HMGCL: variants seen among roughly 807,000 people sequenced by gnomAD.
The protein encoded by HMGCL is 3-hydroxy-3-methylglutaryl-CoA lyase, also known as hydroxymethylglutaryl-CoA lyase, mitochondrial.
Under a neutral mutation model 37.3 loss-of-function variants are expected in HMGCL, and 26 were observed. The observed-to-expected ratio is 0.70, with a 90% CI of 0.51 to 0.97. The LOEUF is 0.97. Ranked by LOEUF, HMGCL falls within the 50% of genes least tolerant of loss-of-function variation. The probability of loss-of-function intolerance (pLI) is 0.00; values close to 1 mark genes in which losing one functional copy is unlikely to be tolerated. For missense variants in HMGCL, 379 were observed against 398.1 expected, an observed-to-expected ratio of 0.95 and a Z score of 0.41; for synonymous variants, 151 against 148.0, an observed-to-expected ratio of 1.02 and a Z score of -0.15.
Position 23,825,337 on chromosome 1 carries a change from G to A in HMGCL, c.60+19C>T, listed in dbSNP as rs1638798267. ...AGAGTGCCTGCAGGGCCGCCGCCTC[G>A]GCGGCTCGGGGCACTTACAGCCCGG... is the stretch of plus-strand genomic sequence containing the variant. On this transcript the variant is annotated intron_variant, in intron 1 of 8. Coordinates refer to ENST00000374490, the MANE Select transcript of HMGCL (RefSeq NM_000191.3). 6.4e-7 allele frequency: 1 copy of A among 1,550,398 alleles called. No individual in the cohort carries two copies. The highest frequency in any genetic ancestry group is 8.7e-7 in the Non-Finnish European group (1 of 1,146,396).
chr1:23,822,772 C>T (rs764622772), intron 1 of HMGCL, among the ~76,000 whole-genome samples: 1 of 152,208 alleles, frequency 6.6e-6, no homozygotes, highest in African/African-American at 2.4e-5. Flanking sequence ...CTCACTGGAA[C>T]ATAAGTTTCA....
In HMGCL at chr1:23,816,700, G is replaced by A; in HGVS notation, c.323C>T (p.Pro108Leu). 2 of 1,612,298 alleles carry A rather than the reference G, an allele frequency of 1.2e-6. No individual in the cohort carries two copies. Among genetic ancestry groups the A allele is most frequent in the Non-Finnish European group, 1.7e-6 (2 of 1,178,348 alleles). Residue 108 changes from proline (P) to leucine (L), a missense_variant, in exon 4 of 9, where the codon CCA becomes CTA. Physicochemically the swap from Pro to Leu is moderately conservative, Grantham distance 98. Transcript: ENST00000374490. ...CGCTGCCTCGAAGCCTTTCAAATTT[G>A]GGGTCAGGACTGGGTAGTTGATGCC... Reference protein sequence around the residue: ...FPGINYPVLTPNLKGFEAAVA... With the variant: ...FPGINYPVLTLNLKGFEAAVA...
At chr1:23,813,136 C>T (rs565034785) in intron 5 of HMGCL, among the ~76,000 whole-genome samples, 4 of 150,130 alleles carry the variant, frequency 2.7e-5, no homozygotes, top group African/African-American at 7.3e-5. Flanking sequence ...GTGATCTGCC[C>T]GCCTCGGCCT....
intron 7 of HMGCL, among the ~76,000 whole-genome samples, chr1:23,804,974 C>T (rs1197572731): frequency 2.6e-5 from 4 of 151,166 alleles, no homozygotes; most frequent in Non-Finnish European, 5.9e-5. Context: ...GGTCAGTCAC[C>T]TCCCACTATC....
intron 4 of HMGCL, 29 bp from the exon 5 acceptor site, chr1:23,814,367 G>T: frequency 1.2e-6 from 2 of 1,611,058 alleles, no homozygotes; most frequent in Non-Finnish European, 1.7e-6. Flanking sequence ...ACTCCTTTCA[G>T]CACTTTTCTC....
In HMGCL at chr1:23,806,117, A is replaced by G. The variant is rs1638405283; in HGVS notation, c.751-1592T>C. Among the ~76,000 whole-genome samples, 1 of 151,986 alleles carries G rather than the reference A, an allele frequency of 6.6e-6. No individual in the cohort carries two copies. Among genetic ancestry groups the G allele is most frequent in the Non-Finnish European group, 1.5e-5 (1 of 68,000 alleles). On this transcript the variant is annotated intron_variant, in intron 7 of 8. Coordinates refer to ENST00000374490, the MANE Select transcript of HMGCL (RefSeq NM_000191.3). This position sits in a 1 kb window ranked among gnomAD's most constrained non-coding sequence, Gnocchi z 4.0. ...CAGGCTCACGCCACCACGCCCAGCT[A>G]ATTTTTATATTTTTAGTTGAGACAG...
In HMGCL at chr1:23,815,064, G is replaced by A. The variant is rs146283916; in HGVS notation, c.349-726C>T. 6.7e-3 allele frequency among the ~76,000 whole-genome samples: 1,020 copies of A among 152,076 alleles called. 13 individuals carry two copies. Among genetic ancestry groups the A allele is most frequent in the African/African-American group, 0.023 (967 of 41,504 alleles). ...CTACTAAAAATACAAAAAATTAGCC[G>A]GTCGTGGTGGCACACGCCTGTAGTC... On this transcript the variant is annotated intron_variant, in intron 4 of 8. Coordinates refer to ENST00000374490, the MANE Select transcript of HMGCL (RefSeq NM_000191.3).
chr1:23,818,210 G>T (rs1172482314), intron 2 of HMGCL, among the ~76,000 whole-genome samples: 1 of 152,178 alleles, frequency 6.6e-6, no homozygotes, highest in Non-Finnish European at 1.5e-5. Context: ...TGTAATCCCA[G>T]CACTTTGGGA....
intron 1 of HMGCL, among the ~76,000 whole-genome samples, chr1:23,821,494 A>C (rs928562403): frequency 5.3e-5 from 8 of 152,114 alleles, no homozygotes; most frequent in Admixed American, 5.2e-4. Flanking sequence ...CCCCGTCTCT[A>C]CTAAAAATAG....
intron 5 of HMGCL, chr1:23,813,799 A>G (rs1638564989): frequency 7.0e-6 from 2 of 284,528 alleles, no homozygotes; most frequent in Non-Finnish European, 1.4e-5. Flanking sequence ...AGAGCTAGTG[A>G]TAAAGCCAGG....
chr1:23,807,602 C>G (rs1638435738), intron 7 of HMGCL, among the ~76,000 whole-genome samples: 1 of 152,190 alleles, frequency 6.6e-6, no homozygotes, highest in Non-Finnish European at 1.5e-5. Context: ...TTAGCTCAAT[C>G]TGTGGGGAAC....
chr1:23,810,137 C>T (rs1638492252), intron 6 of HMGCL: 1 of 162,294 alleles, frequency 6.2e-6, no homozygotes, highest in African/African-American at 2.4e-5. Flanking sequence ...TACCATTCCA[C>T]CTATCTGGAT....
intron 6 of HMGCL, chr1:23,809,592 T>C (rs1360049480): frequency 6.6e-6 from 1 of 152,070 alleles, no homozygotes; most frequent in Non-Finnish European, 1.5e-5. Context: ...TGGAAGCCCA[T>C]TTGCACATCT....
chr1:23,812,796 G>A (rs1638542761), intron 5 of HMGCL, among the ~76,000 whole-genome samples: 1 of 152,212 alleles, frequency 6.6e-6, no homozygotes, highest in Non-Finnish European at 1.5e-5. Flanking sequence ...ATCATGCAGG[G>A]TTTGTAAACC....
chr1:23,820,421 G>T, intron 2 of HMGCL, 89 bp downstream of exon 2: 4 of 901,732 alleles, frequency 4.4e-6, no homozygotes, highest in Non-Finnish European at 7.5e-6. Context: ...ATCTTGCATA[G>T]CTCTGTCAAC....
chr1:23,805,318 C>T (rs1236270153), intron 7 of HMGCL, among the ~76,000 whole-genome samples: 7 of 152,172 alleles, frequency 4.6e-5, no homozygotes, highest in African/African-American at 1.7e-4. Flanking sequence ...ACACAGCCTG[C>T]GATCTCTCCC....
At chr1:23,804,240 T>G (rs1422921255) in intron 8 of HMGCL, 160 bp downstream of exon 8, 1 of 801,598 alleles carries the variant, frequency 1.2e-6, no homozygotes, top group Non-Finnish European at 2.0e-6. Flanking sequence ...CCTCCCAAAG[T>G]GCTGAGATTA....
At chr1:23,821,509 A>G (rs565810517) in intron 1 of HMGCL, among the ~76,000 whole-genome samples, 1 of 152,138 alleles carries the variant, frequency 6.6e-6, no homozygotes, top group South Asian at 2.1e-4. Context: ...AAATAGAAAA[A>G]TTAGCCAGGT....
In HMGCL at chr1:23,814,338, C is replaced by A. The variant is rs762600601; in HGVS notation, c.349G>T (p.Val117Phe). 6.2e-7 allele frequency: 1 copy of A among 1,613,124 alleles called. No individual in the cohort carries two copies. The highest frequency in any genetic ancestry group is 2.2e-5 in the East Asian group (1 of 44,880). ...ACTACTTCCTTGGCTCCAGCAGCAA[C>A]CTGCCAACATCCAGGTGAACTCCTT... ...TPNLKGFEAA[V>F]AAGAKEVVIF... The change falls in exon 5 of 9, where the codon GTT becomes TTT. Residue 117 changes from valine (V) to phenylalanine (F), a missense_variant and splice_region_variant. By Grantham distance (50) the Val-to-Phe change is conservative (BLOSUM62 -1). Coordinates refer to ENST00000374490, the MANE Select transcript of HMGCL (RefSeq NM_000191.3).
Sources: allele counts gnomAD v4.1 joint callset (sites outside exome capture counted in the v4.1 genomes callset), GRCh38; gene constraint gnomAD v4.1.1; non-coding constraint Gnocchi (gnomAD v3.1); transcripts MANE v1.5; gene names NCBI Gene and HGNC (gene_info 2026-07-23, HGNC 2026-07-21).